The following CFLAR variants were observed in gnomAD, a reference collection of about 807,000 sequenced individuals.
The protein encoded by CFLAR is CASP8 and FADD-like apoptosis regulator.
In CFLAR, 14 loss-of-function variants were observed where a neutral mutation model predicts 51.1. That is an observed-to-expected ratio of 0.27 (90% CI 0.18 to 0.43). CFLAR has a LOEUF of 0.43. Among genes scored for constraint, CFLAR ranks in the 20% least tolerant of loss-of-function variants. The probability of loss-of-function intolerance (pLI) is 1.00; values close to 1 mark genes in which losing one functional copy is unlikely to be tolerated. For missense variants in CFLAR, 390 were observed against 566.5 expected (o/e 0.69, Z 3.16); for synonymous variants, 210 against 211.6 (o/e 0.99, Z 0.06).
At position 201,123,269 on chromosome 2, in the gene CFLAR, T is replaced by G. The variant is rs111622440; in HGVS notation, c.-137-6460T>G. The stretch of plus-strand genomic sequence containing the variant: ...ATGTCTGGTTGGAATTTGTGGGAGC[T>G]TCCTTGAGAGTCATGAAAAGTCTGT... On this transcript the variant is annotated intron_variant, in intron 1 of 9. Transcript: ENST00000309955. Among the ~76,000 whole-genome samples, 939 of 152,326 alleles carry G rather than the reference T, an allele frequency of 6.2e-3. 8 individuals carry two copies. Among genetic ancestry groups the G allele is most frequent in the African/African-American group, 0.021 (883 of 41,562 alleles).
intron 9 of CFLAR, chr2:201,163,425 C>A (rs1943253570): frequency 9.0e-7 from 1 of 1,114,094 alleles, no homozygotes; most frequent in Non-Finnish European, 1.1e-6. Flanking sequence ...CCTCTGCGTA[C>A]CCCAGGAATA....
intron 5 of CFLAR, chr2:201,140,722 C>G (rs1938514213): frequency 3.8e-6 from 1 of 260,500 alleles, no homozygotes. Context: ...CTTCTAGACT[C>G]TTTTTTATGT....
chr2:201,174,788 T>C lies in CFLAR; in HGVS notation c.*10815T>C, dbSNP rs1944144145. On this transcript the variant is annotated 3_prime_UTR_variant, in exon 10 of 10. Transcript: ENST00000309955. ...GTAAAAAGGGCCTCTGGAATTTTGA[T>C]AGTGATTACACTGAATGAGAGGAGT... 1 of 152,194 alleles carries C rather than the reference T, an allele frequency of 6.6e-6. No individual in the cohort carries two copies. Among genetic ancestry groups the C allele is most frequent in the African/African-American group, 2.4e-5 (1 of 41,444 alleles). The allele number at this position is 152,194 out of a possible 1,614,324, so 9.4% of individuals were successfully genotyped here.
chr2:201,160,359 G>C, intron 8 of CFLAR, 73 bp from the exon 9 acceptor site: 1 of 1,469,104 alleles, frequency 6.8e-7, no homozygotes, highest in Non-Finnish European at 9.2e-7. Context: ...CCATGTCTAG[G>C]ATTCCTACCC....
chr2:201,158,361 T>A (rs911098868), intron 8 of CFLAR, among the ~76,000 whole-genome samples: 1 of 152,222 alleles, frequency 6.6e-6, no homozygotes, highest in South Asian at 2.1e-4. Context: ...AAGCCTTACA[T>A]ATCAGCATGG....
intron 8 of CFLAR, 35 bp downstream of exon 8, chr2:201,149,870 C>T: frequency 6.7e-7 from 1 of 1,498,452 alleles, no homozygotes; most frequent in South Asian, 1.1e-5. Context: ...CTGGTGCCCC[C>T]AGATTGAGAT....
chr2:201,158,881 TTA>T, intron 8 of CFLAR, among the ~76,000 whole-genome samples: 1 of 147,156 alleles, frequency 6.8e-6, no homozygotes, highest in African/African-American at 2.6e-5. Context: ...ATTATTATTA[TTA>T]TTATTTGAAT....
At chr2:201,136,950 C>T (rs2050208806) in intron 4 of CFLAR, 1 of 197,228 alleles carries the variant, frequency 5.1e-6, no homozygotes, top group Non-Finnish European at 1.1e-5. Flanking sequence ...GGCAGGCAGC[C>T]ATGACCAGGG....
chr2:201,154,377 TC>T (rs1941814823), intron 8 of CFLAR: 1 of 155,724 alleles, frequency 6.4e-6, no homozygotes, highest in Non-Finnish European at 1.4e-5. Flanking sequence ...GCGTCAGCCA[TC>T]ATGCCTGGCT....
rs1312779577 is a variant in CFLAR at position 201,170,666 on chromosome 2, A to G, written c.*6693A>G. The stretch of plus-strand genomic sequence containing the variant: ...CCACCACTCAATCTGTCTATCATCT[A>G]TCTCTCCATTCATTCTTCCATTTGT... On this transcript the variant is annotated 3_prime_UTR_variant, in exon 10 of 10. Coordinates refer to ENST00000309955, the MANE Select transcript of CFLAR (RefSeq NM_003879.7). The G allele has an allele frequency of 1.3e-5, 2 of 152,188 alleles. No individual in the cohort carries two copies. The highest frequency in any genetic ancestry group is 2.1e-4 in the South Asian group (1 of 4,836). 9.4% of individuals were successfully genotyped at this position (152,188 alleles called of 1,614,324 possible).
At chr2:201,136,670 G>T in intron 4 of CFLAR, 1 of 1,044,652 alleles carries the variant, frequency 9.6e-7, no homozygotes, top group South Asian at 1.7e-5. Flanking sequence ...CAAGTTCACT[G>T]CCACCATAGC....
At chr2:201,157,640 T>G (rs1264775621) in intron 8 of CFLAR, 1 of 152,396 alleles carries the variant, frequency 6.6e-6, no homozygotes, top group African/African-American at 2.4e-5. Context: ...CCTCCCAAAG[T>G]GCTGGGATTG....
chr2:201,126,592 T>G (rs2048739051), intron 1 of CFLAR, among the ~76,000 whole-genome samples: 1 of 152,178 alleles, frequency 6.6e-6, no homozygotes, highest in Non-Finnish European at 1.5e-5. Context: ...GGTTGGGCAT[T>G]ACATGATCAC....
intron 8 of CFLAR, among the ~76,000 whole-genome samples, chr2:201,159,869 C>G (rs1404670288): frequency 6.6e-6 from 1 of 152,160 alleles, no homozygotes; most frequent in East Asian, 1.9e-4. Flanking sequence ...GGCCCAGAGT[C>G]TAGTGAAGTT....
intron 1 of CFLAR, among the ~76,000 whole-genome samples, chr2:201,125,309 T>TTCATGAAGC (rs2048573962): frequency 6.6e-6 from 1 of 151,960 alleles, no homozygotes. Flanking sequence ...AAGCACTGAG[T>TTCATGAAGC]ACAGACTATT....
At chr2:201,156,146 C>G (rs1249787581) in intron 8 of CFLAR, among the ~76,000 whole-genome samples, 1 of 152,178 alleles carries the variant, frequency 6.6e-6, no homozygotes, top group African/African-American at 2.4e-5. Flanking sequence ...TATGTATTCT[C>G]TTGTCCAAGT....
At chr2:201,121,659 A>C (rs2048195747) in intron 1 of CFLAR, among the ~76,000 whole-genome samples, 1 of 152,172 alleles carries the variant, frequency 6.6e-6, no homozygotes, top group Non-Finnish European at 1.5e-5. Flanking sequence ...ACAATTTCTG[A>C]CTTTGAATAG....
intron 8 of CFLAR, chr2:201,153,286 G>C (rs1170279652): frequency 2.0e-5 from 3 of 152,214 alleles, no homozygotes; most frequent in Admixed American, 2.0e-4. Flanking sequence ...GTTTTCATCA[G>C]CTGAGAGGTC....
intron 2 of CFLAR, among the ~76,000 whole-genome samples, chr2:201,131,954 CT>C (rs147883365): frequency 0.15 from 22,528 of 152,126 alleles, 1,882 homozygotes; most frequent in African/African-American, 0.2. Flanking sequence ...ATGTGAAGTA[CT>C]TTTTAAACTG....
Sources: allele counts gnomAD v4.1 joint callset (sites outside exome capture counted in the v4.1 genomes callset), GRCh38; gene constraint gnomAD v4.1.1; transcripts MANE v1.5; gene names NCBI Gene and HGNC (gene_info 2026-07-23, HGNC 2026-07-21).